The following SMYD3 variants were observed in gnomAD, a reference collection of about 807,000 sequenced individuals.
SMYD3 encodes histone-lysine N-methyltransferase SMYD3.
SMYD3 carries 36 observed loss-of-function variants against 57.7 expected under a neutral mutation model. The observed-to-expected ratio is 0.62, with a 90% CI of 0.48 to 0.82. The LOEUF is 0.82. Among genes scored for constraint, SMYD3 ranks in the 40% least tolerant of loss-of-function variants. The pLI, the probability that SMYD3 is intolerant of heterozygous loss-of-function variation, is 0.00. For missense variants in SMYD3, 515 were observed against 538.8 expected (o/e 0.96, Z 0.44); for synonymous variants, 211 against 195.0 (o/e 1.08, Z -0.68).
chr1:246,301,022 G>A (rs866668307), intron 5 of SMYD3, among the ~76,000 whole-genome samples: 10 of 152,188 alleles, frequency 6.6e-5, no homozygotes, highest in Middle Eastern at 3.4e-3. Context: ...GTTCAGCTTT[G>A]TAGAGATAGA....
In SMYD3 at chr1:246,283,596, C is replaced by A. The variant is rs541228425; in HGVS notation, c.531+43605G>T. Among the ~76,000 whole-genome samples the A allele has an allele frequency of 7.2e-5, 11 of 152,278 alleles. No homozygotes were observed. The South Asian group carries it at 2.1e-3, about 29-fold the overall frequency. ...ACCTGTGTATGTTTAATTACAGTAA[C>A]TAGAGGTCTCAAAATAACTCATATG... On this transcript the variant is annotated intron_variant, in intron 5 of 11. Transcript: ENST00000490107.
At chr1:245,801,052 G>A (rs1233237541) in intron 10 of SMYD3, among the ~76,000 whole-genome samples, 1 of 152,132 alleles carries the variant, frequency 6.6e-6, no homozygotes, top group Non-Finnish European at 1.5e-5. Context: ...TTATGCAGGG[G>A]GGCCAGAACT....
intron 5 of SMYD3, among the ~76,000 whole-genome samples, chr1:246,182,932 C>G (rs2062577179): frequency 6.6e-6 from 1 of 152,124 alleles, no homozygotes; most frequent in Non-Finnish European, 1.5e-5. Context: ...TAACTGAGCC[C>G]CTAAGTACAA....
chr1:245,784,141 A>T (rs1476232139), intron 10 of SMYD3, among the ~76,000 whole-genome samples: 1 of 152,216 alleles, frequency 6.6e-6, no homozygotes, highest in Non-Finnish European at 1.5e-5. Context: ...TTTCTAGAGA[A>T]GTACACTACT....
Position 246,395,810 on chromosome 1 carries a change from G to A in SMYD3, c.165-40716C>T, listed in dbSNP as rs573639003. On this transcript the variant is annotated intron_variant, in intron 1 of 11. Coordinates refer to ENST00000490107, the MANE Select transcript of SMYD3 (RefSeq NM_001167740.2). ...CAGACAGGGAAGAGGAACCCACCAC[G>A]GCTGGACAGGGAAGACGAACCCACC... Among the ~76,000 whole-genome samples, 332 of 150,650 alleles carry A rather than the reference G, an allele frequency of 2.2e-3. 2 individuals are homozygous for A. Among genetic ancestry groups the A allele is most frequent in the African/African-American group, 7.6e-3 (310 of 40,688 alleles).
chr1:246,018,064 G>A (rs886719975), intron 5 of SMYD3, among the ~76,000 whole-genome samples: 7 of 152,070 alleles, frequency 4.6e-5, no homozygotes, highest in Non-Finnish European at 1.0e-4. Flanking sequence ...ACAGTATTTA[G>A]AAGCCAAAGT....
At chr1:246,248,635 C>CTTTTTTTTTTTTTTTT (rs1558348050) in intron 5 of SMYD3, among the ~76,000 whole-genome samples, 1 of 68,336 alleles carries the variant, frequency 1.5e-5, no homozygotes, top group Non-Finnish European at 2.6e-5. Flanking sequence ...CTCTGACTTT[C>CTTTTTTTTTTTTTTTT]CTTTTTTTTT....
intron 10 of SMYD3, among the ~76,000 whole-genome samples, chr1:245,776,165 C>G (rs2046582616): frequency 6.6e-6 from 1 of 152,184 alleles, no homozygotes; most frequent in South Asian, 2.1e-4. Flanking sequence ...ATATCCTTCA[C>G]AATATGTGAT....
chr1:246,450,850 G>A (rs943929815), intron 1 of SMYD3, among the ~76,000 whole-genome samples: 4 of 151,704 alleles, frequency 2.6e-5, no homozygotes, highest in Non-Finnish European at 4.4e-5. Flanking sequence ...TAATATAAAC[G>A]TATTTAAATT....
chr1:246,035,897 T>A (rs9660202), intron 5 of SMYD3, among the ~76,000 whole-genome samples: 69,815 of 151,768 alleles, frequency 0.46, 18,239 homozygotes, highest in East Asian at 0.95. Context: ...ATAAATATTC[T>A]AAAGATGCAG....
chr1:246,070,600 G>A (rs1392206211), intron 5 of SMYD3, among the ~76,000 whole-genome samples: 2 of 152,130 alleles, frequency 1.3e-5, no homozygotes, highest in Admixed American at 6.6e-5. Context: ...TCCTCCTCAC[G>A]AAGAGGTGAA....
intron 5 of SMYD3, among the ~76,000 whole-genome samples, chr1:246,043,704 C>T (rs917856558): frequency 4.6e-5 from 7 of 152,214 alleles, no homozygotes. Context: ...TTATGATGAA[C>T]ATGCTCAGCC....
At chr1:246,176,537 T>C (rs1459387266) in intron 5 of SMYD3, among the ~76,000 whole-genome samples, 2 of 152,102 alleles carry the variant, frequency 1.3e-5, no homozygotes, top group Non-Finnish European at 2.9e-5. Context: ...CTTTTGTTTG[T>C]TTTGAGACAA....
chr1:246,122,430 T>C (rs1384078861), intron 5 of SMYD3, among the ~76,000 whole-genome samples: 5 of 151,886 alleles, frequency 3.3e-5, no homozygotes, highest in African/African-American at 1.2e-4. Context: ...AAACACAGAG[T>C]CACACACCCT....
intron 1 of SMYD3, among the ~76,000 whole-genome samples, chr1:246,361,897 G>C (rs2065993766): frequency 1.3e-5 from 2 of 152,058 alleles, no homozygotes; most frequent in South Asian, 2.1e-4. Flanking sequence ...CCACTAAAGA[G>C]CTTATTCATG....
chr1:245,911,544 T>C (rs954576274), intron 8 of SMYD3, among the ~76,000 whole-genome samples: 2 of 151,496 alleles, frequency 1.3e-5, no homozygotes, highest in East Asian at 1.9e-4. Flanking sequence ...CAACGGAATA[T>C]AGTTCCTCTA....
chr1:246,222,695 G>A (rs1218849709), intron 5 of SMYD3, among the ~76,000 whole-genome samples: 1 of 152,070 alleles, frequency 6.6e-6, no homozygotes, highest in Non-Finnish European at 1.5e-5. Flanking sequence ...TCAATTTAGG[G>A]AAAAAGAAAA....
At chr1:246,264,040 TG>T (rs1283303588) in intron 5 of SMYD3, among the ~76,000 whole-genome samples, 2 of 128,072 alleles carry the variant, frequency 1.6e-5, no homozygotes, top group African/African-American at 2.9e-5. Flanking sequence ...CAGAAATAAA[TG>T]TTTTTTTTTT....
intron 1 of SMYD3, among the ~76,000 whole-genome samples, chr1:246,392,154 C>CA (rs2066583250): frequency 6.6e-6 from 1 of 152,024 alleles, no homozygotes; most frequent in Non-Finnish European, 1.5e-5. Context: ...AAACATGACA[C>CA]ATAATAGGCA....
Sources: allele counts gnomAD v4.1 joint callset (sites outside exome capture counted in the v4.1 genomes callset), GRCh38; gene constraint gnomAD v4.1.1; transcripts MANE v1.5; gene names NCBI Gene and HGNC (gene_info 2026-07-23, HGNC 2026-07-21).